The following PDE4D variants were observed in gnomAD, a reference collection of about 807,000 sequenced individuals.
PDE4D encodes 3',5'-cyclic-AMP phosphodiesterase 4D.
Under a neutral mutation model 87.4 loss-of-function variants are expected in PDE4D, and 24 were observed. The ratio of observed to expected loss-of-function variants is 0.27; its 90% CI spans 0.20 to 0.39. PDE4D has a LOEUF of 0.39. Ranked by LOEUF, PDE4D falls within the 10% of genes least tolerant of loss-of-function variation. The probability of loss-of-function intolerance (pLI) is 1.00; values close to 1 mark genes in which losing one functional copy is unlikely to be tolerated. For missense variants in PDE4D, 714 were observed against 1,041.0 expected, an observed-to-expected ratio of 0.69 and a Z score of 4.32; for synonymous variants, 384 against 383.2, an observed-to-expected ratio of 1.00 and a Z score of -0.02.
At chr5:60,473,174 AGG>A (rs1251686252) in intron 1 of PDE4D, among the ~76,000 whole-genome samples, 20 of 140,626 alleles carry the variant, frequency 1.4e-4, no homozygotes, top group Non-Finnish European at 2.5e-4. Context: ...GAAGGAAGGA[AGG>A]AAGGAAAAAG....
intron 6 of PDE4D, among the ~76,000 whole-genome samples, chr5:59,019,268 C>T (rs1463774477): frequency 6.6e-6 from 1 of 152,126 alleles, no homozygotes; most frequent in Non-Finnish European, 1.5e-5. Context: ...ATCACTCTTA[C>T]ACCTAATTCC....
chr5:60,215,042 C>A (rs1467464040), intron 1 of PDE4D, among the ~76,000 whole-genome samples: 2 of 152,094 alleles, frequency 1.3e-5, no homozygotes, highest in African/African-American at 4.8e-5. Flanking sequence ...TTCTTGCTCC[C>A]AGATTTTAAT....
chr5:60,464,512 C>T (rs772481107), intron 1 of PDE4D, among the ~76,000 whole-genome samples: 8 of 152,128 alleles, frequency 5.3e-5, no homozygotes, highest in Non-Finnish European at 1.0e-4. Flanking sequence ...AACTCTACTC[C>T]TCTGGCACTG....
At chr5:59,018,272 A>G (rs931605077) in intron 6 of PDE4D, among the ~76,000 whole-genome samples, 6 of 152,234 alleles carry the variant, frequency 3.9e-5, no homozygotes, top group Admixed American at 3.9e-4. Context: ...AAATTGGCAT[A>G]ATTTTCTCAG....
At chr5:59,397,435 A>G (rs1438442675) in intron 1 of PDE4D, among the ~76,000 whole-genome samples, 1 of 118,806 alleles carries the variant, frequency 8.4e-6, no homozygotes, top group African/African-American at 3.4e-5. Context: ...CTCACTCAAA[A>G]CCGCTCAACT....
intron 1 of PDE4D, among the ~76,000 whole-genome samples, chr5:59,245,115 A>G (rs916816531): frequency 6.6e-6 from 1 of 152,122 alleles, no homozygotes; most frequent in African/African-American, 2.4e-5. Flanking sequence ...TCTTGCTGAC[A>G]AAGAGGCCTC....
chr5:60,090,696 G>A (rs565495300), intron 2 of PDE4D, among the ~76,000 whole-genome samples: 5 of 152,196 alleles, frequency 3.3e-5, no homozygotes, highest in Admixed American at 2.0e-4. Context: ...GCAAGAGAAC[G>A]ATACAAAGTG....
At chr5:59,053,838 C>T (rs1761965055) in intron 5 of PDE4D, among the ~76,000 whole-genome samples, 2 of 151,450 alleles carry the variant, frequency 1.3e-5, no homozygotes, top group Admixed American at 1.3e-4. Context: ...CTCACTTGAA[C>T]CTGGGAGGCA....
At chr5:59,712,393 CATATATATATATATATATATATAT>C (rs5868190) in intron 1 of PDE4D, among the ~76,000 whole-genome samples, 4 of 122,604 alleles carry the variant, frequency 3.3e-5, no homozygotes, top group African/African-American at 1.2e-4. Context: ...TAATATTATT[CATATATATATATATATATATATAT>C]ATATATATAT....
At chr5:60,365,918 C>T (rs1237311815) in intron 1 of PDE4D, among the ~76,000 whole-genome samples, 1 of 152,008 alleles carries the variant, frequency 6.6e-6, no homozygotes, top group Non-Finnish European at 1.5e-5. Context: ...ATGGCACATG[C>T]CTATAATCCC....
At chr5:60,203,707 T>C (rs1742178903) in intron 1 of PDE4D, among the ~76,000 whole-genome samples, 1 of 152,212 alleles carries the variant, frequency 6.6e-6, no homozygotes, top group Non-Finnish European at 1.5e-5. Flanking sequence ...AGAATGATCA[T>C]GAAATTTTAT....
intron 5 of PDE4D, among the ~76,000 whole-genome samples, chr5:59,093,244 G>A (rs997424677): frequency 3.9e-5 from 6 of 152,166 alleles, no homozygotes; most frequent in Non-Finnish European, 5.9e-5. Context: ...GGAGTTTAGC[G>A]AGGGGCTGAA....
intron 1 of PDE4D, among the ~76,000 whole-genome samples, chr5:60,422,120 G>A (rs1190220156): frequency 6.6e-6 from 1 of 152,160 alleles, no homozygotes. Context: ...AAAACACTCT[G>A]GAGGATATTA....
intron 1 of PDE4D, among the ~76,000 whole-genome samples, chr5:59,272,345 A>G (rs1008289387): frequency 1.3e-5 from 2 of 152,094 alleles, no homozygotes; most frequent in Admixed American, 1.3e-4. Flanking sequence ...AAATGTTTAT[A>G]AAAGTGTTAA....
intron 1 of PDE4D, among the ~76,000 whole-genome samples, chr5:60,249,271 C>A (rs4270654): frequency 6.6e-6 from 1 of 151,872 alleles, no homozygotes; most frequent in African/African-American, 2.4e-5. Flanking sequence ...CCTCTCATGC[C>A]CACACAGGGC....
At chr5:60,176,660 C>T (rs1180928656) in intron 2 of PDE4D, among the ~76,000 whole-genome samples, 1 of 152,102 alleles carries the variant, frequency 6.6e-6, no homozygotes, top group Non-Finnish European at 1.5e-5. Context: ...TAAATGAAAA[C>T]ATCTGGGAGT....
chr5:60,375,798 T>C (rs1380660595), intron 1 of PDE4D, among the ~76,000 whole-genome samples: 1 of 152,186 alleles, frequency 6.6e-6, no homozygotes, highest in Non-Finnish European at 1.5e-5. Flanking sequence ...CCCAGCACTT[T>C]GGGAGGCTAA....
chr5:60,426,493 A>T (rs972910833), intron 1 of PDE4D, among the ~76,000 whole-genome samples: 5 of 152,030 alleles, frequency 3.3e-5, no homozygotes, highest in African/African-American at 1.2e-4. Flanking sequence ...GAACACTTGG[A>T]CACAGGGTGG....
chr5:60,402,092 C>G (rs1269676637), intron 1 of PDE4D, among the ~76,000 whole-genome samples: 4 of 152,210 alleles, frequency 2.6e-5, no homozygotes, highest in Admixed American at 1.3e-4. Context: ...ACTTCAAACG[C>G]TCTCTCTCAG....
Sources: gnomAD v4.1 joint callset for allele counts (sites outside exome capture counted in the v4.1 genomes callset) on GRCh38, gnomAD v4.1.1 for gene constraint, MANE v1.5 for transcripts, NCBI Gene and HGNC (gene_info 2026-07-23, HGNC 2026-07-21) for gene names.